Variants in HSPG2 observed in about 807,000 individuals in gnomAD.
The protein encoded by HSPG2 is basement membrane-specific heparan sulfate proteoglycan core protein.
Under a neutral mutation model 526.6 loss-of-function variants are expected in HSPG2, and 278 were observed. The ratio of observed to expected loss-of-function variants is 0.53; its 90% CI spans 0.48 to 0.58. HSPG2 has a LOEUF of 0.58. Ranked by LOEUF, HSPG2 falls within the 20% of genes least tolerant of loss-of-function variation. The pLI, the probability that HSPG2 is intolerant of heterozygous loss-of-function variation, is 0.00. For synonymous variants in HSPG2, 2,465 were observed against 2,555.4 expected (o/e 0.96, Z 1.07); for missense variants, 5,354 against 6,099.5 (o/e 0.88, Z 4.07).
intron 6 of HSPG2, among the ~76,000 whole-genome samples, chr1:21,889,048 C>T (rs1642158891): frequency 6.6e-6 from 1 of 152,194 alleles, no homozygotes; most frequent in South Asian, 2.1e-4. Flanking sequence ...GCCTCAGCCT[C>T]CTGAGTAGCT....
At chr1:21,911,657 C>G (rs1418268277) in intron 1 of HSPG2, among the ~76,000 whole-genome samples, 1 of 152,192 alleles carries the variant, frequency 6.6e-6, no homozygotes, top group African/African-American at 2.4e-5. Flanking sequence ...CTGGCCTGCT[C>G]CAGGGCCCCC....
chr1:21,935,281 G>C (rs930606295), intron 1 of HSPG2, among the ~76,000 whole-genome samples: 8 of 152,198 alleles, frequency 5.3e-5, no homozygotes, highest in Non-Finnish European at 8.8e-5. Flanking sequence ...CAGCAGCCTG[G>C]GGTGGGACAG....
intron 1 of HSPG2, among the ~76,000 whole-genome samples, chr1:21,907,891 G>A (rs1643460836): frequency 5.3e-5 from 8 of 152,196 alleles, no homozygotes; most frequent in Admixed American, 3.3e-4. Context: ...GTGAGGCCAT[G>A]AGCAAGTCAT....
chr1:21,844,728 C>T lies in HSPG2; in HGVS notation c.8465-429G>A, dbSNP rs188101458. Among the ~76,000 whole-genome samples, 1,138 of 152,322 alleles carry T rather than the reference C, an allele frequency of 7.5e-3. 12 individuals are homozygous for T. Among genetic ancestry groups the T allele is most frequent in the South Asian group, 0.016 (78 of 4,826 alleles). On this transcript the variant is annotated intron_variant, in intron 64 of 96. Transcript: ENST00000374695. ...ACTTCACCTCTCTGAGTCTCAGTTT[C>T]CCCATCTGTAAAATGGAGAGAACAA...
At chr1:21,930,786 A>C (rs988856789) in intron 1 of HSPG2, among the ~76,000 whole-genome samples, 9 of 152,188 alleles carry the variant, frequency 5.9e-5, no homozygotes, top group Admixed American at 5.9e-4. Context: ...AAAAAAAAAA[A>C]AGATCTAGAA....
At chr1:21,902,401 C>T (rs748565617) in intron 1 of HSPG2, among the ~76,000 whole-genome samples, 1 of 152,190 alleles carries the variant, frequency 6.6e-6, no homozygotes, top group Non-Finnish European at 1.5e-5. Flanking sequence ...CTTCTTTGTG[C>T]CAGGGGCTGA....
Position 21,860,022 on chromosome 1 carries a change from C to G in HSPG2, c.5015-20G>C. 2 of 1,608,646 alleles carry G rather than the reference C, an allele frequency of 1.2e-6. No individual in the cohort carries two copies. Among genetic ancestry groups the G allele is most frequent in the Non-Finnish European group, 1.7e-6 (2 of 1,178,064 alleles). On this transcript the variant is annotated intron_variant, in intron 40 of 96. Coordinates refer to ENST00000374695, the MANE Select transcript of HSPG2 (RefSeq NM_005529.7). ...GGTTTGCTGGGGGTGGGGGCCGGGA[C>G]AGGAAGGGCCTTTCAGCATTGTCTT...
chr1:21,889,777 C>G, intron 6 of HSPG2: 1 of 618,402 alleles, frequency 1.6e-6, no homozygotes. Context: ...GAGCAGAACT[C>G]GGGTCTAACG....
Position 21,831,642 on chromosome 1 carries a change from T to A in HSPG2, c.11352+10A>T. The A allele has an allele frequency of 6.2e-7, 1 of 1,609,984 alleles. No individual in the cohort carries two copies. Among genetic ancestry groups the A allele is most frequent in the Non-Finnish European group, 8.5e-7 (1 of 1,178,214 alleles). On this transcript the variant is annotated intron_variant, in intron 82 of 96. Coordinates refer to ENST00000374695, the MANE Select transcript of HSPG2 (RefSeq NM_005529.7). ...AGGGCTGGAAGTAGCAGTATGGGGTTGGGTCTCACCTGGGAGGTCCCATTG... is the reference window on the plus strand; with the variant it reads ...AGGGCTGGAAGTAGCAGTATGGGGTAGGGTCTCACCTGGGAGGTCCCATTG...
At chr1:21,914,311 C>T (rs961068814) in intron 1 of HSPG2, among the ~76,000 whole-genome samples, 1 of 152,076 alleles carries the variant, frequency 6.6e-6, no homozygotes, top group Non-Finnish European at 1.5e-5. Flanking sequence ...GAGGGTGATG[C>T]TGACAGAGCA....
Position 21,864,900 on chromosome 1 carries a change from G to A in HSPG2, c.4569C>T (p.Arg1523=), listed in dbSNP as rs764955966. The change falls in exon 36 of 97, where the codon CGC becomes CGT. Residue 1523 remains arginine (R), a synonymous_variant. Coordinates refer to ENST00000374695, the MANE Select transcript of HSPG2 (RefSeq NM_005529.7). The surrounding 1 kb of genome is among the most constrained non-coding windows in gnomAD (Gnocchi z 4.8). ...AGCGGCACTCCTCCACCTCGAGGGC[G>A]CGGGGTCTGTTTGAGGGCCCCGGCT... ...VAQPGPSNRP[R]ALEVEECRCP... 21 of 1,610,132 alleles carry A rather than the reference G, an allele frequency of 1.3e-5. No individual in the cohort carries two copies. Among genetic ancestry groups the A allele is most frequent in the Middle Eastern group, 1.6e-4 (1 of 6,078 alleles).
chr1:21,916,987 C>T (rs1389506343), intron 1 of HSPG2, among the ~76,000 whole-genome samples: 1 of 152,184 alleles, frequency 6.6e-6, no homozygotes, highest in African/African-American at 2.4e-5. Flanking sequence ...TAACGGAAAT[C>T]GAACATGTGT....
At chr1:21,934,548 C>T (rs558853291) in intron 1 of HSPG2, among the ~76,000 whole-genome samples, 4 of 151,926 alleles carry the variant, frequency 2.6e-5, no homozygotes, top group African/African-American at 4.8e-5. Context: ...GCGAGAGGAT[C>T]GCTTGAGGCC....
chr1:21,898,590 C>T lies in HSPG2; in HGVS notation c.64-2280G>A, dbSNP rs1184210416. Among the ~76,000 whole-genome samples the T allele has an allele frequency of 6.6e-6, 1 of 152,198 alleles. No individual in the cohort carries two copies. The highest frequency in any genetic ancestry group is 2.1e-4 in the South Asian group (1 of 4,834). On this transcript the variant is annotated intron_variant, in intron 1 of 96. Transcript: ENST00000374695. The surrounding 1 kb of genome is among the most constrained non-coding windows in gnomAD (Gnocchi z 4.0). ...GATTCCCACAGTCCCTGGTTAGAAC[C>T]GTAAGACCAGCCCCTACCAGGCGCT...
At chr1:21,833,219 GT>G in intron 80 of HSPG2, 48 bp downstream of exon 80, 1 of 1,454,720 alleles carries the variant, frequency 6.9e-7, no homozygotes, top group South Asian at 1.1e-5. Context: ...ACTCCACGAG[GT>G]CCCTCAACCC....
intron 33 of HSPG2, chr1:21,868,925 A>T: frequency 2.0e-6 from 2 of 982,422 alleles, no homozygotes; most frequent in Non-Finnish European, 2.4e-6. Flanking sequence ...CCAGTAATAG[A>T]GGCTTCCAGG....
chr1:21,833,373 G>T lies in HSPG2; in HGVS notation c.10990C>A (p.Pro3664Thr). 6.2e-7 allele frequency: 1 copy of T among 1,614,134 alleles called. No homozygotes were observed. Among genetic ancestry groups the T allele is most frequent in the South Asian group, 1.1e-5 (1 of 91,074 alleles). Reference sequence around the variant, plus strand: ...GAGTAGGGGGTCTGCGTGAAGTAGGGCACCACCCGCTCTGCCAGCAGAGAG... The same window carrying T: ...GAGTAGGGGGTCTGCGTGAAGTAGGTCACCACCCGCTCTGCCAGCAGAGAG... ...AHLQVPERVVPYFTQTPYSFL... is the reference protein window; with the variant it reads ...AHLQVPERVVTYFTQTPYSFL... Residue 3664 changes from proline (P) to threonine (T), a missense_variant, in exon 80 of 97, where the codon CCC becomes ACC. Transcript: ENST00000374695.
chr1:21,848,555 G>T lies in HSPG2; in HGVS notation c.7737+88C>A. The T allele has an allele frequency of 7.0e-7, 1 of 1,432,526 alleles. No homozygotes were observed. The highest frequency in any genetic ancestry group is 9.8e-7 in the Non-Finnish European group (1 of 1,018,892). The allele number at this position is 1,432,526 out of a possible 1,614,324, so 88.7% of individuals were successfully genotyped here. On this transcript the variant is annotated intron_variant, in intron 59 of 96. Coordinates refer to ENST00000374695, the MANE Select transcript of HSPG2 (RefSeq NM_005529.7). The surrounding 1 kb of genome is among the most constrained non-coding windows in gnomAD (Gnocchi z 4.9). ...CAATGTTTGTTGAATGACTGAATGA[G>T]CACAGAGTGAGGTGCTGAGAGTCCC... is the stretch of plus-strand genomic sequence containing the variant.
In HSPG2 at chr1:21,872,320, G is replaced by T; in HGVS notation, c.4087C>A (p.Arg1363=). The stretch of plus-strand genomic sequence containing the variant: ...AATTCTCCTGTCAGGCGGCTGTTTC[G>T]CTGTGGGTTCACCAGGGCAAAGCCT... ...FQGFALVNPQ[R]NSRLTGEFTV... is the part of the protein sequence containing the mutation. Residue 1363 remains arginine (R), a synonymous_variant, in exon 33 of 97, where the codon CGA becomes AGA. Coordinates refer to ENST00000374695, the MANE Select transcript of HSPG2 (RefSeq NM_005529.7). This position sits in a 1 kb window ranked among gnomAD's most constrained non-coding sequence, Gnocchi z 5.5. The T allele has an allele frequency of 6.3e-7, 1 of 1,577,740 alleles. No homozygotes were observed. Among genetic ancestry groups the T allele is most frequent in the Non-Finnish European group, 8.6e-7 (1 of 1,161,570 alleles).
Sources: allele counts gnomAD v4.1 joint callset (sites outside exome capture counted in the v4.1 genomes callset), GRCh38; gene constraint gnomAD v4.1.1; non-coding constraint Gnocchi (gnomAD v3.1); transcripts MANE v1.5; gene names NCBI Gene and HGNC (gene_info 2026-07-23, HGNC 2026-07-21).